MVB12B: variants seen among roughly 807,000 people sequenced by gnomAD.
The protein encoded by MVB12B is multivesicular body subunit 12B, also known as ESCRT-I complex subunit MVB12B.
MVB12B carries 16 observed loss-of-function variants against 41.6 expected under a neutral mutation model. The ratio of observed to expected loss-of-function variants is 0.38; its 90% CI spans 0.26 to 0.58. The LOEUF (loss-of-function observed/expected upper bound fraction) is 0.58, where lower values mean the gene tolerates loss of function less well. Among genes scored for constraint, MVB12B ranks in the 20% least tolerant of loss-of-function variants. The pLI, the probability that MVB12B is intolerant of heterozygous loss-of-function variation, is 0.62. For synonymous variants in MVB12B, 133 were observed against 139.7 expected (o/e 0.95, Z 0.34); for missense variants, 274 against 380.2 (o/e 0.72, Z 2.32).
At chr9:126,379,858 C>T (rs1027206656) in intron 2 of MVB12B, among the ~76,000 whole-genome samples, 1 of 152,176 alleles carries the variant, frequency 6.6e-6, no homozygotes, top group Non-Finnish European at 1.5e-5. Flanking sequence ...GTGGGGCCTG[C>T]CATGCTCTGT....
At chr9:126,470,853 T>TA (rs1323430550) in intron 7 of MVB12B, among the ~76,000 whole-genome samples, 1 of 152,142 alleles carries the variant, frequency 6.6e-6, no homozygotes, top group Admixed American at 6.5e-5. Flanking sequence ...TGGCTGCACT[T>TA]ACGTTCTTAT....
At chr9:126,440,221 G>A (rs775104410) in intron 7 of MVB12B, among the ~76,000 whole-genome samples, 1 of 152,104 alleles carries the variant, frequency 6.6e-6, no homozygotes, top group Non-Finnish European at 1.5e-5. Context: ...CCCATTCTTC[G>A]GCCAGCCTGA....
Position 126,327,010 on chromosome 9 carries a change from A to G in MVB12B, c.81A>G (p.Thr27=), listed in dbSNP as rs1412449432. 1.1e-5 allele frequency: 2 copies of G among 180,520 alleles called. No individual in the cohort carries two copies. Among genetic ancestry groups the G allele is most frequent in the East Asian group, 3.6e-4 (2 of 5,492 alleles). 11.2% of individuals were successfully genotyped at this position (180,520 alleles called of 1,614,324 possible). A position where few individuals can be genotyped will look rare whatever the true frequency, so the allele number is the denominator to read the frequency against. The change falls in exon 1 of 10, where the codon ACA becomes ACG. Residue 27 remains threonine, a splice_region_variant and synonymous_variant. Transcript: ENST00000361171. ...QPPPPPPQRG[T]DQSTMPEVKD... ...CGCCGCCGCCGCCCCAGCGGGGAACAGTTAAGTGAGGCCCGGGCGCCGCGG... is the reference window on the plus strand; with the variant it reads ...CGCCGCCGCCGCCCCAGCGGGGAACGGTTAAGTGAGGCCCGGGCGCCGCGG...
At chr9:126,396,872 G>A (rs1005644350) in intron 6 of MVB12B, 4 of 985,386 alleles carry the variant, frequency 4.1e-6, no homozygotes, top group Non-Finnish European at 4.8e-6. Flanking sequence ...GAACAGTTGA[G>A]TCTCTGTTGG....
chr9:126,407,907 T>G (rs1264922189), intron 6 of MVB12B: 1 of 152,180 alleles, frequency 6.6e-6, no homozygotes, highest in African/African-American at 2.4e-5. Flanking sequence ...GGACCCTGAA[T>G]TGTAAATGAA....
chr9:126,432,339 G>A (rs1308233284), intron 7 of MVB12B, among the ~76,000 whole-genome samples: 1 of 152,180 alleles, frequency 6.6e-6, no homozygotes, highest in Non-Finnish European at 1.5e-5. Context: ...GGTTTACTCT[G>A]GAGTGAATGA....
At position 126,462,425 on chromosome 9, in the gene MVB12B, G is replaced by T. The variant is rs568540752; in HGVS notation, c.758-18944G>T. ...GCCATTCCAAGACACCATTTGATCA[G>T]AGATGATTTCAGAGAACAATTATAC... On this transcript the variant is annotated intron_variant, in intron 7 of 9. Coordinates refer to ENST00000361171, the MANE Select transcript of MVB12B (RefSeq NM_033446.3). 5.4e-4 allele frequency among the ~76,000 whole-genome samples: 82 copies of T among 152,322 alleles called. 1 individual carries two copies. Among genetic ancestry groups the T allele is most frequent in the African/African-American group, 1.8e-3 (75 of 41,576 alleles).
At position 126,363,016 on chromosome 9, in the gene MVB12B, G is replaced by A. The variant is rs373325248; in HGVS notation, c.205-18048G>A. Among the ~76,000 whole-genome samples, 82 of 152,056 alleles carry A rather than the reference G, an allele frequency of 5.4e-4. 1 individual carries two copies. The highest frequency in any genetic ancestry group is 1.2e-3 in the South Asian group (6 of 4,810). On this transcript the variant is annotated intron_variant, in intron 2 of 9. Transcript: ENST00000361171. ...AGCCTGGTCAACATGGTGAAACCCCGTCTCTACTAAAAATACAAACATTAG... is the reference window on the plus strand; with the variant it reads ...AGCCTGGTCAACATGGTGAAACCCCATCTCTACTAAAAATACAAACATTAG...
chr9:126,402,107 C>G (rs1313355318), intron 6 of MVB12B, among the ~76,000 whole-genome samples: 3 of 152,136 alleles, frequency 2.0e-5, no homozygotes, highest in East Asian at 1.9e-4. Flanking sequence ...AAGTTTCTCC[C>G]TAGGGTTCAG....
chr9:126,465,500 C>T (rs1833180883), intron 7 of MVB12B, among the ~76,000 whole-genome samples: 1 of 152,194 alleles, frequency 6.6e-6, no homozygotes, highest in Non-Finnish European at 1.5e-5. Flanking sequence ...GCACAGACTT[C>T]ATTGCCCAAA....
At position 126,478,955 on chromosome 9, in the gene MVB12B, G is replaced by A. The variant is rs950692570; in HGVS notation, c.758-2414G>A. The stretch of plus-strand genomic sequence containing the variant: ...ATCAGAGGCAGAAAGTCTGGGGAAT[G>A]AATGGTGAGTGGGTTCTGCAGGGGA... On this transcript the variant is annotated intron_variant, in intron 7 of 9. Transcript: ENST00000361171. This position sits in a 1 kb window ranked among gnomAD's most constrained non-coding sequence, Gnocchi z 4.2. Among the ~76,000 whole-genome samples, 13 of 152,228 alleles carry A rather than the reference G, an allele frequency of 8.5e-5. No individual in the cohort carries two copies. The highest frequency in any genetic ancestry group is 1.6e-4 in the Non-Finnish European group (11 of 68,034).
At chr9:126,352,775 T>C (rs1375346952) in intron 2 of MVB12B, among the ~76,000 whole-genome samples, 1 of 152,248 alleles carries the variant, frequency 6.6e-6, no homozygotes, top group Non-Finnish European at 1.5e-5. Flanking sequence ...AAGTACTGGC[T>C]TGCTTTAATT....
chr9:126,443,022 G>C (rs1433740371), intron 7 of MVB12B, among the ~76,000 whole-genome samples: 2 of 152,180 alleles, frequency 1.3e-5, no homozygotes, highest in Non-Finnish European at 2.9e-5. Context: ...CACCTTCCTA[G>C]AGTCTAGAAA....
chr9:126,410,888 CTTTTTTTTTTT>C (rs770993852), intron 6 of MVB12B, among the ~76,000 whole-genome samples: 3 of 133,796 alleles, frequency 2.2e-5, no homozygotes, highest in African/African-American at 8.2e-5. Flanking sequence ...TTGGTTATTT[CTTTTTTTTTTT>C]TTTTTTGAGA....
Position 126,376,511 on chromosome 9 carries a change from A to T in MVB12B, c.205-4553A>T. On this transcript the variant is annotated intron_variant, in intron 2 of 9. Transcript: ENST00000361171. This position sits in a 1 kb window ranked among gnomAD's most constrained non-coding sequence, Gnocchi z 4.1. ...GGGCCTGCTGGCTGGTGTGCTACAC[A>T]GTGGGGCGACGAGCAGGGAGCTGGC... 7.8e-7 allele frequency: 1 copy of T among 1,289,164 alleles called. No individual in the cohort carries two copies. The highest frequency in any genetic ancestry group is 1.0e-6 in the Non-Finnish European group (1 of 988,854). The allele number at this position is 1,289,164 out of a possible 1,614,324, so 79.9% of individuals were successfully genotyped here.
intron 7 of MVB12B, among the ~76,000 whole-genome samples, chr9:126,440,939 A>G (rs16929015): frequency 0.076 from 11,600 of 152,316 alleles, 573 homozygotes; most frequent in Middle Eastern, 0.17. Flanking sequence ...TGTGCTGATT[A>G]GCATAATTAA....
chr9:126,334,705 G>T (rs1829227915), intron 1 of MVB12B, among the ~76,000 whole-genome samples: 1 of 152,160 alleles, frequency 6.6e-6, no homozygotes, highest in Non-Finnish European at 1.5e-5. Context: ...AAAACCTGAT[G>T]GGAGTGGACA....
chr9:126,505,451 C>T lies in MVB12B; in HGVS notation c.*2188C>T, dbSNP rs1247537637. On this transcript the variant is annotated 3_prime_UTR_variant, in exon 10 of 10. Transcript: ENST00000361171. ...CCAGGAAGAGGACAAACTGCATGGA[C>T]TCAAGCGAGCTGGAGCCATCTTCTC... 1 of 152,268 alleles carries T rather than the reference C, an allele frequency of 6.6e-6. No individual in the cohort carries two copies. Among genetic ancestry groups the T allele is most frequent in the Non-Finnish European group, 1.5e-5 (1 of 68,046 alleles). The allele number at this position is 152,268 out of a possible 1,614,324, so 9.4% of individuals were successfully genotyped here.
intron 2 of MVB12B, among the ~76,000 whole-genome samples, chr9:126,347,455 A>T (rs545793835): frequency 6.6e-6 from 1 of 152,250 alleles, no homozygotes; most frequent in Non-Finnish European, 1.5e-5. Context: ...TGTATAATTT[A>T]TATATGCCCA....
Sources: gnomAD v4.1 joint callset for allele counts (sites outside exome capture counted in the v4.1 genomes callset) on GRCh38, gnomAD v4.1.1 for gene constraint, Gnocchi (gnomAD v3.1) non-coding constraint, MANE v1.5 for transcripts, NCBI Gene and HGNC (gene_info 2026-07-23, HGNC 2026-07-21) for gene names.